BAAT: variants seen among roughly 807,000 people sequenced by gnomAD.
BAAT encodes the protein bile acid CoA: amino acid N-acyltransferase (glycine N-choloyltransferase).
In BAAT, 13 loss-of-function variants were observed where a neutral mutation model predicts 18.9. The observed-to-expected ratio is 0.69, with a 90% CI of 0.45 to 1.10. The LOEUF (loss-of-function observed/expected upper bound fraction) is 1.10. Among genes scored for constraint, BAAT ranks in the 50% least tolerant of loss-of-function variants. BAAT has a pLI of 0.00. For synonymous variants in BAAT, 170 were observed against 190.7 expected, an observed-to-expected ratio of 0.89 and a Z score of 0.89; for missense variants, 489 against 504.0, an observed-to-expected ratio of 0.97 and a Z score of 0.28.
chr9:101,371,741 T>G (rs926309214), intron 1 of BAAT, among the ~76,000 whole-genome samples: 1 of 152,190 alleles, frequency 6.6e-6, no homozygotes, highest in Non-Finnish European at 1.5e-5. Context: ...TCTAGGAAGA[T>G]AACACAATCT....
rs377631387 is a variant in BAAT, at chr9:101,371,240, G to C, written c.165C>G (p.Phe55Leu). The C allele has an allele frequency of 6.2e-6, 10 of 1,612,976 alleles. No homozygotes were observed. In the East Asian group the frequency reaches 2.2e-4, roughly 36 times the overall value. Residue 55 changes from phenylalanine (F) to leucine (L), a missense_variant, in exon 2 of 4, where the codon TTC (phenylalanine) becomes TTG (leucine). Transcript: ENST00000259407. ...AAGCATGATTCAGGTCCACCTCACC[G>C]AATTCATTGGCCCTATAGTGGGCTT... The part of the protein sequence containing the change: ...YSQAHYRANE[F>L]GEVDLNHASS...
chr9:101,376,120 G>A (rs1441419015), intron 1 of BAAT: 8 of 76,428 alleles, frequency 1.0e-4, no homozygotes, highest in Admixed American at 9.2e-4. Context: ...AAAATTGGCT[G>A]GAATGTTTTT....
At chr9:101,375,222 C>T (rs1830018176) in intron 1 of BAAT, 1 of 152,564 alleles carries the variant, frequency 6.6e-6, no homozygotes, top group Admixed American at 6.5e-5. Context: ...TTTGCTTCTC[C>T]TTTGTCTTCT....
At position 101,362,217 on chromosome 9, in the gene BAAT, T is replaced by G. The variant is rs1031537880; in HGVS notation, c.*211A>C. 4 of 620,792 alleles carry G rather than the reference T, an allele frequency of 6.4e-6. No homozygotes were observed. The allele number at this position is 620,792 out of a possible 1,614,324, so 38.5% of individuals were successfully genotyped here. ...TCATGTAAATAATAAGTAAAATGAT[T>G]TGTTTTATGATTTATTCACCATGTC... On this transcript the variant is annotated 3_prime_UTR_variant, in exon 4 of 4. Transcript: ENST00000259407.
intron 2 of BAAT, among the ~76,000 whole-genome samples, chr9:101,369,938 A>T (rs1829901833): frequency 6.6e-6 from 1 of 152,178 alleles, no homozygotes. Context: ...TTTTATAGCC[A>T]TTAGGAAGCA....
intron 3 of BAAT, among the ~76,000 whole-genome samples, chr9:101,364,532 T>C (rs1198771399): frequency 6.6e-6 from 1 of 152,178 alleles, no homozygotes; most frequent in Non-Finnish European, 1.5e-5. Flanking sequence ...TCAGCCACTT[T>C]TCTGAGAAAT....
intron 1 of BAAT, among the ~76,000 whole-genome samples, chr9:101,381,776 T>C (rs1362756493): frequency 6.6e-6 from 1 of 152,174 alleles, no homozygotes; most frequent in African/African-American, 2.4e-5. Context: ...CTGAGAATGA[T>C]AATTCAGTGG....
chr9:101,362,784 T>C lies in BAAT; in HGVS notation c.901A>G (p.Thr301Ala). Residue 301 changes from threonine (T) to alanine (A), a missense_variant, in exon 4 of 4, where the codon ACA becomes GCA. Transcript: ENST00000259407. ...TATTGACTGGCCCCAACTTGAGTTG[T>C]CTCAAAAGTGCGATAGAGCTCTAGT... ...GLLELYRTFE[T>A]TQVGASQYLF... 1 of 1,614,148 alleles carries C rather than the reference T, an allele frequency of 6.2e-7. No homozygotes were observed. The highest frequency in any genetic ancestry group is 8.5e-7 in the Non-Finnish European group (1 of 1,180,018).
rs762469715 is a variant in BAAT at position 101,362,454 on chromosome 9, T to C, written c.1231A>G (p.Ile411Val). 6.2e-7 allele frequency: 1 copy of C among 1,614,022 alleles called. No homozygotes were observed. Among genetic ancestry groups the C allele is most frequent in the Non-Finnish European group, 8.5e-7 (1 of 1,180,010 alleles). ...EIQRFLRKHL[I>V]PDVTSQL Reference sequence around the variant, plus strand: ...TAGAGTTGACTGGTCACATCTGGAATGAGGTGCTTCCTGAGAAATCTCTGG... The same window carrying C: ...TAGAGTTGACTGGTCACATCTGGAACGAGGTGCTTCCTGAGAAATCTCTGG... The change falls in exon 4 of 4, where the codon ATT becomes GTT. Residue 411 changes from isoleucine (I) to valine (V), a missense_variant. Ile to Val is a conservative substitution (Grantham distance 29). Transcript: ENST00000259407.
chr9:101,371,654 G>C (rs1829947946), intron 1 of BAAT, among the ~76,000 whole-genome samples, 191 bp from the exon 2 acceptor site: 1 of 152,108 alleles, frequency 6.6e-6, no homozygotes, highest in Non-Finnish European at 1.5e-5. Flanking sequence ...CAGTAAGCAA[G>C]CTGACAAATT....
rs545205256 is a variant in BAAT, at chr9:101,361,087, T to C, written c.*1341A>G. On this transcript the variant is annotated 3_prime_UTR_variant, in exon 4 of 4. Transcript: ENST00000259407. ...AATCACAACCAGGAAGGCCAGCAAG[T>C]GTAGATGAGAGACAGGATACAGAAT... The C allele has an allele frequency of 1.3e-4, 20 of 157,730 alleles. No individual in the cohort carries two copies. In the East Asian group the frequency reaches 3.5e-3, roughly 28 times the overall value. The allele number at this position is 157,730 out of a possible 1,614,324, so 9.8% of individuals were successfully genotyped here.
intron 2 of BAAT, 69 bp downstream of exon 2, chr9:101,370,870 A>C (rs2119025388): frequency 6.5e-7 from 1 of 1,531,742 alleles, no homozygotes; most frequent in South Asian, 1.1e-5. Context: ...TTCAAGCTAA[A>C]TTTCTAGACG....
intron 3 of BAAT, among the ~76,000 whole-genome samples, chr9:101,365,425 CT>C (rs1287654808): frequency 1.3e-5 from 2 of 151,848 alleles, no homozygotes; most frequent in African/African-American, 4.8e-5. Context: ...CATATATACT[CT>C]CTATTTCCTA....
chr9:101,364,493 G>T (rs1475056111), intron 3 of BAAT, among the ~76,000 whole-genome samples: 2 of 152,162 alleles, frequency 1.3e-5, no homozygotes, highest in Non-Finnish European at 2.9e-5. Flanking sequence ...AAGAGAATAA[G>T]ATACCTTATG....
intron 2 of BAAT, among the ~76,000 whole-genome samples, chr9:101,368,723 T>G (rs949853974): frequency 1.6e-4 from 24 of 152,264 alleles, no homozygotes; most frequent in Non-Finnish European, 2.8e-4. Context: ...AGGCCAGGGC[T>G]TCTTAACCTA....
chr9:101,372,495 C>T (rs1891218), intron 1 of BAAT, among the ~76,000 whole-genome samples: 91,783 of 151,848 alleles, frequency 0.6, 29,016 homozygotes, highest in Non-Finnish European at 0.7. Flanking sequence ...TTTTTGTAAC[C>T]TTTTAAAAAT....
At position 101,361,281 on chromosome 9, in the gene BAAT, A is replaced by G. The variant is rs1451764594; in HGVS notation, c.*1147T>C. The G allele has an allele frequency of 1.3e-5, 2 of 154,114 alleles. No individual in the cohort carries two copies. Among genetic ancestry groups the G allele is most frequent in the Non-Finnish European group, 2.9e-5 (2 of 68,192 alleles). The allele number at this position is 154,114 out of a possible 1,614,324, so 9.5% of individuals were successfully genotyped here. A position where few individuals can be genotyped will look rare whatever the true frequency, so the allele number is the denominator to read the frequency against. ...TTCCTCAAGGATACTGCATTTGGAC[A>G]TAATACAAATTGGCAGTTTGGAATG... is the stretch of plus-strand genomic sequence containing the variant. On this transcript the variant is annotated 3_prime_UTR_variant, in exon 4 of 4. Coordinates refer to ENST00000259407, the MANE Select transcript of BAAT (RefSeq NM_001701.4).
At chr9:101,377,550 C>T (rs796798877) in intron 1 of BAAT, among the ~76,000 whole-genome samples, 27 of 152,260 alleles carry the variant, frequency 1.8e-4, no homozygotes, top group African/African-American at 6.5e-4. Context: ...AAAATGTTTA[C>T]AACACCCCTT....
chr9:101,373,341 G>A (rs1342456137), intron 1 of BAAT, among the ~76,000 whole-genome samples: 1 of 152,056 alleles, frequency 6.6e-6, no homozygotes, highest in East Asian at 1.9e-4. Context: ...AAATAGCTGA[G>A]GAAAGACTAG....
Sources: gnomAD v4.1 joint callset for allele counts (sites outside exome capture counted in the v4.1 genomes callset) on GRCh38, gnomAD v4.1.1 for gene constraint, MANE v1.5 for transcripts, NCBI Gene and HGNC (gene_info 2026-07-23, HGNC 2026-07-21) for gene names.